Variants in MTMR8 observed in about 807,000 individuals in gnomAD.
MTMR8 encodes the protein myotubularin related protein 8.
Under a neutral mutation model 39.3 loss-of-function variants are expected in MTMR8, and 65 were observed. The ratio of observed to expected loss-of-function variants is 1.65; its 90% CI spans 1.35 to 2.03. MTMR8 has a LOEUF of 2.03. Among genes scored for constraint, MTMR8 ranks in the 30% most tolerant of loss-of-function variants. The pLI is 0.00. For missense variants in MTMR8, 777 were observed against 538.9 expected, an observed-to-expected ratio of 1.44 and a Z score of -4.37; for synonymous variants, 245 against 185.2, an observed-to-expected ratio of 1.32 and a Z score of -2.62.
At chrX:64,320,596 C>A (rs938033708) in intron 12 of MTMR8, among the ~76,000 whole-genome samples, 1 of 108,667 alleles carries the variant, frequency 9.2e-6, no homozygotes, top group Admixed American at 1.0e-4. Context: ...CCAACTGAGG[C>A]AAGGGATAAT....
intron 12 of MTMR8, among the ~76,000 whole-genome samples, chrX:64,296,596 ATACTTT>A (rs1433789053): frequency 1.1e-5 from 1 of 92,863 alleles, no homozygotes; most frequent in Admixed American, 1.2e-4. Context: ...TTTTTTAATT[ATACTTT>A]AAGTTTTAGG....
intron 1 of MTMR8, among the ~76,000 whole-genome samples, chrX:64,363,964 G>A (rs748778522): frequency 5.3e-5 from 6 of 112,561 alleles, no homozygotes; most frequent in Admixed American, 9.3e-5. Flanking sequence ...TGGGTCCCAC[G>A]CCCACGGAGC....
chrX:64,297,914 G>C (rs1320539427), intron 12 of MTMR8, among the ~76,000 whole-genome samples: 1 of 100,399 alleles, frequency 1.0e-5, no homozygotes, highest in Non-Finnish European at 2.0e-5. Context: ...TTATTTCTGA[G>C]GGCTCTGTTC....
At chrX:64,295,323 C>CT (rs1282089416) in intron 12 of MTMR8, among the ~76,000 whole-genome samples, 2 of 111,142 alleles carry the variant, frequency 1.8e-5, no homozygotes, top group Non-Finnish European at 3.8e-5. Flanking sequence ...CTGTAAAATT[C>CT]TTTTTTTCTC....
At chrX:64,289,663 T>TAAAAAAAAAAAAAAAAAAAAAAAAAAAA (rs1921332572) in intron 12 of MTMR8, among the ~76,000 whole-genome samples, 1 of 83,008 alleles carries the variant, frequency 1.2e-5, no homozygotes, top group African/African-American at 7.4e-5. Context: ...AAAAAAAAAT[T>TAAAAAAAAAAAAAAAAAAAAAAAAAAAA]AAGTTGGGAG....
intron 1 of MTMR8, among the ~76,000 whole-genome samples, chrX:64,387,904 C>T (rs1924603893): frequency 9.1e-6 from 1 of 110,320 alleles, no homozygotes; most frequent in Non-Finnish European, 1.9e-5. Context: ...AGGCTGACCA[C>T]CACTAGGTAC....
At chrX:64,332,922 G>C (rs991471781) in intron 10 of MTMR8, among the ~76,000 whole-genome samples, 1 of 111,065 alleles carries the variant, frequency 9.0e-6, no homozygotes, top group Non-Finnish European at 1.9e-5. Context: ...CTTAACTCCT[G>C]CAGACCTCAT....
At position 64,359,424 on chromosome X, in the gene MTMR8, G is replaced by T. The variant is rs758216717; in HGVS notation, c.128C>A (p.Ala43Glu). 1 of 1,202,017 alleles carries T rather than the reference G, an allele frequency of 8.3e-7. No individual in the cohort carries two copies. Among genetic ancestry groups the T allele is most frequent in the African/African-American group, 1.8e-5 (1 of 56,879 alleles). The change falls in exon 2 of 14, where the codon GCA becomes GAA. Residue 43 changes from alanine (A) to glutamate (E), a missense_variant. Ala to Glu is a moderately radical substitution (Grantham distance 107, BLOSUM62 -1). Coordinates refer to ENST00000374852, the MANE Select transcript of MTMR8 (RefSeq NM_017677.4). ...THLIYVEASG[A>E]ARKETWIALH... Reference sequence around the variant, plus strand: ...ACATACCCATGTTTCTTTCCGGGCTGCACCTGAAGCCTCCACATAGATCAG... The same window carrying T: ...ACATACCCATGTTTCTTTCCGGGCTTCACCTGAAGCCTCCACATAGATCAG...
chrX:64,301,712 C>G (rs983130866), intron 12 of MTMR8, among the ~76,000 whole-genome samples: 9 of 111,215 alleles, frequency 8.1e-5, no homozygotes, highest in African/African-American at 2.6e-4. Context: ...GCGGTTTTAT[C>G]TACTTTTGGT....
chrX:64,275,911 A>G (rs1489029766), intron 12 of MTMR8, among the ~76,000 whole-genome samples: 2 of 111,691 alleles, frequency 1.8e-5, no homozygotes, highest in Non-Finnish European at 3.8e-5. Flanking sequence ...AGACTAAATC[A>G]CAAAGAAAAA....
At position 64,348,726 on chromosome X, in the gene MTMR8, C is replaced by T; in HGVS notation, c.666G>A (p.Leu222=). Reference sequence around the variant, plus strand: ...GGTTTGTTTGGCTAATGGCCTCCAACAAGAGCTCATCATCTACACAGCGAG... The same window carrying T: ...GGTTTGTTTGGCTAATGGCCTCCAATAAGAGCTCATCATCTACACAGCGAG... ...FYTRCVDDEL[L]LEAISQTNPG... is the part of the protein sequence containing the mutation. The change falls in exon 6 of 14, where the codon TTG becomes TTA. Residue 222 remains leucine (L), a synonymous_variant. Coordinates refer to ENST00000374852, the MANE Select transcript of MTMR8 (RefSeq NM_017677.4). 8.3e-7 allele frequency: 1 copy of T among 1,210,805 alleles called. No individual in the cohort carries two copies. Among genetic ancestry groups the T allele is most frequent in the Non-Finnish European group, 1.1e-6 (1 of 894,826 alleles).
chrX:64,360,064 AAAAG>A (rs1386584497), intron 1 of MTMR8, among the ~76,000 whole-genome samples: 1 of 111,170 alleles, frequency 9.0e-6, no homozygotes, highest in African/African-American at 3.3e-5. Flanking sequence ...CTTACCAATT[AAAAG>A]AAAGACACAG....
At chrX:64,319,630 AG>A (rs1922573678) in intron 12 of MTMR8, among the ~76,000 whole-genome samples, 1 of 111,862 alleles carries the variant, frequency 8.9e-6, no homozygotes, top group African/African-American at 3.3e-5. Flanking sequence ...ATGGCTAGCC[AG>A]TTTTCCCAGC....
chrX:64,315,813 C>G (rs773289440), intron 12 of MTMR8, among the ~76,000 whole-genome samples: 5 of 111,435 alleles, frequency 4.5e-5, no homozygotes, highest in Non-Finnish European at 9.4e-5. Flanking sequence ...TCTTGTCATG[C>G]CTTCCTGTGG....
chrX:64,380,253 C>T (rs1374773293), intron 1 of MTMR8, among the ~76,000 whole-genome samples: 2 of 112,380 alleles, frequency 1.8e-5, no homozygotes, highest in African/African-American at 3.2e-5. Flanking sequence ...ATAGTGTTAC[C>T]CAGAAATGCT....
intron 4 of MTMR8, among the ~76,000 whole-genome samples, chrX:64,354,051 G>T (rs959311715): frequency 9.4e-6 from 1 of 106,805 alleles, no homozygotes; most frequent in Non-Finnish European, 1.9e-5. Flanking sequence ...TAAGTGAAAT[G>T]AACAAAGCAT....
intron 6 of MTMR8, among the ~76,000 whole-genome samples, chrX:64,347,087 G>C (rs1364602193): frequency 6.3e-5 from 7 of 110,937 alleles, no homozygotes. Context: ...AGCAGGATTT[G>C]ACCTCAGGTT....
At chrX:64,371,141 G>C (rs1197146532) in intron 1 of MTMR8, among the ~76,000 whole-genome samples, 2 of 111,938 alleles carry the variant, frequency 1.8e-5, no homozygotes, top group East Asian at 5.6e-4. Context: ...GAGACAGCAA[G>C]TCCCTAGCTC....
rs1197038484 is a variant in MTMR8, at chrX:64,268,749, C to T, written c.1903G>A (p.Gly635Ser). ...SGDVGISEAM[G>S]ISGDMCTFEA... Reference sequence around the variant, plus strand: ...AAGGTGCACATGTCTCCAGAGATGCCCATGGCCTCAGAGATGCCCACATCC... The same window carrying T: ...AAGGTGCACATGTCTCCAGAGATGCTCATGGCCTCAGAGATGCCCACATCC... The change falls in exon 14 of 14, where the codon GGC becomes AGC. Residue 635 changes from glycine to serine, a missense_variant. Physicochemically the swap from Gly to Ser is moderately conservative, Grantham distance 56. Coordinates refer to ENST00000374852, the MANE Select transcript of MTMR8 (RefSeq NM_017677.4). The T allele has an allele frequency of 1.7e-6, 2 of 1,211,699 alleles. No individual in the cohort carries two copies. The highest frequency in any genetic ancestry group is 2.2e-6 in the Non-Finnish European group (2 of 895,522).
Sources: gnomAD v4.1 joint callset for allele counts (sites outside exome capture counted in the v4.1 genomes callset) on GRCh38, gnomAD v4.1.1 for gene constraint, MANE v1.5 for transcripts, NCBI Gene and HGNC (gene_info 2026-07-23, HGNC 2026-07-21) for gene names.